The following ACTN2 variants were observed in gnomAD, a reference collection of about 807,000 sequenced individuals.
The protein encoded by ACTN2 is actinin alpha 2, also known as alpha-actinin-2.
Under a neutral mutation model 113.8 loss-of-function variants are expected in ACTN2, and 39 were observed. The ratio of observed to expected loss-of-function variants is 0.34; its 90% CI spans 0.27 to 0.45. The LOEUF (loss-of-function observed/expected upper bound fraction) is 0.45, where lower values mean the gene tolerates loss of function less well. ACTN2 is among the 20% of genes least tolerant of loss of function. ACTN2 has a pLI of 1.00. For synonymous variants in ACTN2, 429 were observed against 444.1 expected, an observed-to-expected ratio of 0.97 and a Z score of 0.43; for missense variants, 992 against 1,177.9, an observed-to-expected ratio of 0.84 and a Z score of 2.31.
At position 236,686,620 on chromosome 1, in the gene ACTN2, G is replaced by A. The variant is rs1665875360; in HGVS notation, c.-54G>A. The A allele has an allele frequency of 6.6e-7, 1 of 1,511,444 alleles. No homozygotes were observed. 93.6% of individuals were successfully genotyped at this position (1,511,444 alleles called of 1,614,324 possible). On this transcript the variant is annotated 5_prime_UTR_variant, in exon 1 of 21. Coordinates refer to ENST00000366578, the MANE Select transcript of ACTN2 (RefSeq NM_001103.4). ...CCTCCGTGGGTCCGTTTGCCAGTCA[G>A]CCCGTGCGTCCGAGCCCCTCGCGCC...
chr1:236,707,868 C>A (rs145959169), intron 1 of ACTN2, among the ~76,000 whole-genome samples: 2 of 151,684 alleles, frequency 1.3e-5, no homozygotes, highest in South Asian at 4.2e-4. Context: ...CAAGGCACCA[C>A]GCCTGGCTAA....
At chr1:236,695,646 T>G (rs1657476502) in intron 1 of ACTN2, among the ~76,000 whole-genome samples, 1 of 133,052 alleles carries the variant, frequency 7.5e-6, no homozygotes, top group African/African-American at 2.9e-5. Flanking sequence ...GACGTATAAA[T>G]TTAAATTTGT....
At position 236,749,234 on chromosome 1, in the gene ACTN2, G is replaced by A. The variant is rs1193302872; in HGVS notation, c.1626G>A (p.Met542Ile). The change falls in exon 14 of 21, where the codon ATG becomes ATA. Residue 542 changes from methionine (M) to isoleucine (I), a missense_variant. By Grantham distance (10) the Met-to-Ile change is conservative (BLOSUM62 1). Coordinates refer to ENST00000366578, the MANE Select transcript of ACTN2 (RefSeq NM_001103.4). Reference protein sequence around the residue: ...MEGAMEDLQDMFIVHSIEEIQ... With the variant: ...MEGAMEDLQDIFIVHSIEEIQ... ...GCGCTATGGAGGATCTGCAAGATAT[G>A]TTCATTGTCCACAGCATTGAGGAGA... 1.2e-6 allele frequency: 2 copies of A among 1,614,060 alleles called. No individual in the cohort carries two copies. Among genetic ancestry groups the A allele is most frequent in the Non-Finnish European group, 1.7e-6 (2 of 1,180,040 alleles).
intron 6 of ACTN2, 81 bp downstream of exon 6, chr1:236,727,837 C>A: frequency 7.2e-7 from 1 of 1,383,458 alleles, no homozygotes; most frequent in Non-Finnish European, 1.0e-6. Flanking sequence ...CAGCACTAGC[C>A]TAGCACAAAC....
intron 1 of ACTN2, among the ~76,000 whole-genome samples, chr1:236,708,938 T>G (rs912492797): frequency 1.3e-5 from 2 of 152,112 alleles, no homozygotes; most frequent in Non-Finnish European, 2.9e-5. Flanking sequence ...AGAGCCTCCT[T>G]ACTTTTCTAA....
Position 236,749,203 on chromosome 1 carries a change from T to C in ACTN2, c.1595T>C (p.Met532Thr), listed in dbSNP as rs1198131959. The C allele has an allele frequency of 1.2e-6, 2 of 1,614,174 alleles. No homozygotes were observed. Among genetic ancestry groups the C allele is most frequent in the Non-Finnish European group, 1.7e-6 (2 of 1,180,024 alleles). ...AKRAAPFNNW[M>T]EGAMEDLQDM... ...AGGGCTGCTCCTTTCAACAATTGGA[T>C]GGAGGGCGCTATGGAGGATCTGCAA... Residue 532 changes from methionine to threonine, a missense_variant, in exon 14 of 21, where the codon ATG (methionine) becomes ACG (threonine). Met to Thr is a moderately conservative substitution (Grantham distance 81, BLOSUM62 -1). Around this residue, in one of 3 missense-constraint regions of ACTN2, gnomAD observed 736 missense variants for 815.4 expected, o/e 0.90. Coordinates refer to ENST00000366578, the MANE Select transcript of ACTN2 (RefSeq NM_001103.4).
At chr1:236,703,466 G>A (rs3851909) in intron 1 of ACTN2, among the ~76,000 whole-genome samples, 1 of 104,480 alleles carries the variant, frequency 9.6e-6, no homozygotes, top group Non-Finnish European at 1.9e-5. Context: ...TTGCCTTTTA[G>A]AGCAAACATG....
In ACTN2 at chr1:236,755,104, A is replaced by C. The variant is rs1198313014; in HGVS notation, c.2060A>C (p.Asn687Thr). 1 of 1,614,110 alleles carries C rather than the reference A, an allele frequency of 6.2e-7. No individual in the cohort carries two copies. The highest frequency in any genetic ancestry group is 8.5e-7 in the Non-Finnish European group (1 of 1,180,060). ...QLKQYEHNII[N>T]YKNNIDKLEG... is the part of the protein sequence containing the mutation. Reference sequence around the variant, plus strand: ...AAGCAGTATGAGCACAACATCATCAACTATAAGAACAACATCGACAAGCTG... The same window carrying C: ...AAGCAGTATGAGCACAACATCATCACCTATAAGAACAACATCGACAAGCTG... Residue 687 changes from asparagine to threonine, a missense_variant, in exon 17 of 21, where the codon AAC becomes ACC. Asn to Thr is a moderately conservative substitution (Grantham distance 65, BLOSUM62 0). Transcript: ENST00000366578.
At chr1:236,704,768 A>G (rs1000406168) in intron 1 of ACTN2, among the ~76,000 whole-genome samples, 3 of 152,162 alleles carry the variant, frequency 2.0e-5, no homozygotes, top group Non-Finnish European at 4.4e-5. Flanking sequence ...AAGCTCTCCA[A>G]ACTCCATCCT....
chr1:236,747,652 T>G lies in ACTN2; in HGVS notation c.1407-15T>G. On this transcript the variant is annotated splice_polypyrimidine_tract_variant and intron_variant, in intron 12 of 20. Coordinates refer to ENST00000366578, the MANE Select transcript of ACTN2 (RefSeq NM_001103.4). ...TCTGGGAAAGTTAATCTTTATTTAT[T>G]TTCACTTTTAATAGTGAACTGGACT... 1 of 1,604,340 alleles carries G rather than the reference T, an allele frequency of 6.2e-7. No individual in the cohort carries two copies. Among genetic ancestry groups the G allele is most frequent in the Non-Finnish European group, 8.5e-7 (1 of 1,171,510 alleles).
chr1:236,727,103 G>A (rs1203632638), intron 5 of ACTN2, among the ~76,000 whole-genome samples: 1 of 151,986 alleles, frequency 6.6e-6, no homozygotes. Context: ...TGTCTACGGC[G>A]GAACAGACCA....
chr1:236,736,795 G>T, intron 8 of ACTN2: 1 of 675,354 alleles, frequency 1.5e-6, no homozygotes, highest in East Asian at 2.7e-5. Flanking sequence ...AGGGACCCAA[G>T]ATCTTGGTTT....
chr1:236,686,766 C>A lies in ACTN2; in HGVS notation c.93C>A (p.Leu31=), dbSNP rs397516586. ...AGGAGGAGTGGGACCGCGACCTGCT[C>A]CTGGACCCAGCCTGGGAGAAGCAGC... ...IQEEEWDRDL[L]LDPAWEKQQR... Residue 31 remains leucine (L), a synonymous_variant, in exon 1 of 21, where the codon CTC becomes CTA. Coordinates refer to ENST00000366578, the MANE Select transcript of ACTN2 (RefSeq NM_001103.4). 7 of 1,537,952 alleles carry A rather than the reference C, an allele frequency of 4.6e-6. No homozygotes were observed. The highest frequency in any genetic ancestry group is 6.1e-6 in the Non-Finnish European group (7 of 1,141,040).
chr1:236,708,458 A>C (rs1657899314), intron 1 of ACTN2, among the ~76,000 whole-genome samples: 2 of 152,188 alleles, frequency 1.3e-5, no homozygotes, highest in African/African-American at 4.8e-5. Flanking sequence ...ATGATTATTC[A>C]GTTTTCGTTG....
At chr1:236,736,955 A>G (rs549813647) in intron 8 of ACTN2, 167 bp from the exon 9 acceptor site, 3 of 650,002 alleles carry the variant, frequency 4.6e-6, no homozygotes, top group South Asian at 3.3e-5. Flanking sequence ...GAAATGATTC[A>G]TAGTACGCAT....
intron 1 of ACTN2, among the ~76,000 whole-genome samples, chr1:236,703,233 T>C (rs1012184720): frequency 1.3e-5 from 2 of 152,084 alleles, no homozygotes; most frequent in African/African-American, 2.4e-5. Flanking sequence ...TGTAAGGCTG[T>C]TTGTTGGGAG....
chr1:236,737,016 A>C, intron 8 of ACTN2, 106 bp from the exon 9 acceptor site: 1 of 887,800 alleles, frequency 1.1e-6, no homozygotes, highest in Non-Finnish European at 1.8e-6. Context: ...TGCACCGTCT[A>C]CAGCACGCCA....
intron 7 of ACTN2, among the ~76,000 whole-genome samples, chr1:236,733,895 A>G (rs1441624302): frequency 6.6e-6 from 1 of 152,198 alleles, no homozygotes; most frequent in Non-Finnish European, 1.5e-5. Flanking sequence ...ATGAACTGTT[A>G]TTTGTAGCAA....
intron 15 of ACTN2, among the ~76,000 whole-genome samples, chr1:236,752,945 A>G (rs1233412212): frequency 1.3e-5 from 2 of 152,274 alleles, no homozygotes; most frequent in Non-Finnish European, 1.5e-5. Flanking sequence ...CAAAAAGACA[A>G]TAATAATGCT....
Sources: gnomAD v4.1 joint callset for allele counts (sites outside exome capture counted in the v4.1 genomes callset) on GRCh38, gnomAD v4.1.1 for gene constraint, gnomAD v4.1.1 regional missense constraint, MANE v1.5 for transcripts, NCBI Gene and HGNC (gene_info 2026-07-23, HGNC 2026-07-21) for gene names.